ZDHHC15: variants seen among roughly 807,000 people sequenced by gnomAD.
ZDHHC15 encodes zDHHC palmitoyltransferase 15, also known as palmitoyltransferase ZDHHC15.
In ZDHHC15, 19 loss-of-function variants were observed where a neutral mutation model predicts 31.7. The observed-to-expected ratio is 0.60, with a 90% CI of 0.42 to 0.88. The LOEUF (loss-of-function observed/expected upper bound fraction) is 0.88, where lower values mean the gene tolerates loss of function less well. ZDHHC15 is among the 40% of genes least tolerant of loss of function. The pLI, the probability that ZDHHC15 is intolerant of heterozygous loss-of-function variation, is 0.00. For missense variants in ZDHHC15, 209 were observed against 251.2 expected (o/e 0.83, Z 1.14); for synonymous variants, 103 against 90.0 (o/e 1.14, Z -0.82).
At chrX:75,416,111 C>A (rs1204892068) in intron 10 of ZDHHC15, among the ~76,000 whole-genome samples, 3 of 111,915 alleles carry the variant, frequency 2.7e-5, no homozygotes, top group African/African-American at 9.7e-5. Flanking sequence ...TTGGGATGGA[C>A]AATAACTGTT....
intron 1 of ZDHHC15, among the ~76,000 whole-genome samples, chrX:75,522,208 C>G (rs1488391770): frequency 1.8e-5 from 2 of 111,233 alleles, no homozygotes; most frequent in African/African-American, 6.6e-5. Context: ...ATGGGGGGAG[C>G]CCACAGGGAA....
At chrX:75,395,314 T>C (rs1386740277) in intron 10 of ZDHHC15, among the ~76,000 whole-genome samples, 3 of 111,348 alleles carry the variant, frequency 2.7e-5, no homozygotes, top group Non-Finnish European at 5.7e-5. Flanking sequence ...ACATAAAGAT[T>C]CCACAAAAAA....
At chrX:75,387,955 T>C (rs985496048) in intron 10 of ZDHHC15, among the ~76,000 whole-genome samples, 1 of 111,576 alleles carries the variant, frequency 9.0e-6, no homozygotes, top group African/African-American at 3.3e-5. Flanking sequence ...GTGCATAACA[T>C]ATAAAGGAGC....
At chrX:75,496,514 G>T (rs1488040900) in intron 2 of ZDHHC15, among the ~76,000 whole-genome samples, 3 of 111,442 alleles carry the variant, frequency 2.7e-5, no homozygotes, top group Non-Finnish European at 3.8e-5. Context: ...GGAATTAACA[G>T]ATATTTACAG....
At chrX:75,379,079 A>C (rs2083088594) in intron 11 of ZDHHC15, 41 bp downstream of exon 11, 2 of 1,072,600 alleles carry the variant, frequency 1.9e-6, no homozygotes, top group African/African-American at 3.7e-5. Flanking sequence ...CCTTCTTAGC[A>C]GTCCAGGTGC....
rs772621038 is a variant in ZDHHC15 at position 75,430,277 on chromosome X, T to C, written c.450-297A>G. Among the ~76,000 whole-genome samples, 4 of 111,747 alleles carry C rather than the reference T, an allele frequency of 3.6e-5. No homozygotes were observed. The East Asian group carries it at 8.4e-4, about 24-fold the overall frequency. On this transcript the variant is annotated intron_variant, in intron 5 of 11. Coordinates refer to ENST00000373367, the MANE Select transcript of ZDHHC15 (RefSeq NM_144969.3). ...GAGAAAAGGTTCAAGATGTCTCCTA[T>C]CATTTTATTCAATACTTAGTTTAAT...
Position 75,505,838 on chromosome X carries a change from A to G in ZDHHC15, c.146T>C (p.Leu49Ser). Residue 49 changes from leucine (L) to serine (S), a missense_variant, in exon 2 of 12, where the codon TTG becomes TCG. Physicochemically the swap from Leu to Ser is moderately radical, Grantham distance 145. Transcript: ENST00000373367. ...YVFELCLVTVLSPAEKVIYLI... is the reference protein window; with the variant it reads ...YVFELCLVTVSSPAEKVIYLI... ...CATCTTACCTTTTTCTGCTGGGCTC[A>G]AAACAGTCACTGTGAAGAGACAGGA... is the stretch of plus-strand genomic sequence containing the variant. 1 of 1,207,961 alleles carries G rather than the reference A, an allele frequency of 8.3e-7. No individual in the cohort carries two copies. Among genetic ancestry groups the G allele is most frequent in the Non-Finnish European group, 1.1e-6 (1 of 892,593 alleles).
chrX:75,489,016 G>A lies in ZDHHC15; in HGVS notation c.164-10031C>T, dbSNP rs547464155. On this transcript the variant is annotated intron_variant, in intron 2 of 11. Coordinates refer to ENST00000373367, the MANE Select transcript of ZDHHC15 (RefSeq NM_144969.3). ...TCCTTCATTGCTAGCACAGCAGTCT[G>A]AGATCAAACTGCAAGGCGGCAGGGG... Among the ~76,000 whole-genome samples the A allele has an allele frequency of 1.2e-4, 13 of 111,919 alleles. No homozygotes were observed. The South Asian group carries it at 4.9e-3, about 42-fold the overall frequency.
At chrX:75,492,998 G>T (rs1220092257) in intron 2 of ZDHHC15, among the ~76,000 whole-genome samples, 7 of 111,410 alleles carry the variant, frequency 6.3e-5, no homozygotes, top group Admixed American at 9.6e-5. Flanking sequence ...CCAGGAACTG[G>T]TTTTTTCAAA....
At chrX:75,462,892 C>T (rs2084341847) in intron 3 of ZDHHC15, among the ~76,000 whole-genome samples, 1 of 110,950 alleles carries the variant, frequency 9.0e-6, no homozygotes, top group South Asian at 3.8e-4. Context: ...AACACCAAAG[C>T]TAGCAGAAGA....
chrX:75,393,517 T>C (rs1210124057), intron 10 of ZDHHC15, among the ~76,000 whole-genome samples: 1 of 111,456 alleles, frequency 9.0e-6, no homozygotes, highest in African/African-American at 3.3e-5. Context: ...TCATGAGCAA[T>C]GAATCAGGAG....
At chrX:75,517,347 T>A (rs1432780230) in intron 1 of ZDHHC15, among the ~76,000 whole-genome samples, 3 of 110,457 alleles carry the variant, frequency 2.7e-5, no homozygotes, top group Non-Finnish European at 5.7e-5. Flanking sequence ...CAAATGCCCA[T>A]CAATGATAGA....
At position 75,482,553 on chromosome X, in the gene ZDHHC15, C is replaced by A. The variant is rs184573944; in HGVS notation, c.164-3568G>T. 7.8e-3 allele frequency among the ~76,000 whole-genome samples: 874 copies of A among 111,561 alleles called. 10 individuals are homozygous for A. The highest frequency in any genetic ancestry group is 0.026 in the African/African-American group (806 of 30,749). On this transcript the variant is annotated intron_variant, in intron 2 of 11. Coordinates refer to ENST00000373367, the MANE Select transcript of ZDHHC15 (RefSeq NM_144969.3). The stretch of plus-strand genomic sequence containing the variant: ...TCTACTACTCATCAATTTACATAAA[C>A]CTTCTATGAAGCTGGTTAGATTATC...
chrX:75,404,972 C>T (rs780793591), intron 10 of ZDHHC15, among the ~76,000 whole-genome samples: 1 of 112,020 alleles, frequency 8.9e-6, no homozygotes, highest in Non-Finnish European at 1.9e-5. Context: ...GATGTGGAAT[C>T]AACCTAAATG....
chrX:75,380,084 A>T (rs1006963712), intron 10 of ZDHHC15, among the ~76,000 whole-genome samples: 1 of 112,145 alleles, frequency 8.9e-6, no homozygotes, highest in Non-Finnish European at 1.9e-5. Context: ...CTTGTCTGGA[A>T]TCCTAGCCTT....
intron 10 of ZDHHC15, among the ~76,000 whole-genome samples, chrX:75,410,554 C>CA (rs1264178088): frequency 3.6e-5 from 4 of 111,408 alleles, no homozygotes; most frequent in Non-Finnish European, 7.5e-5. Context: ...TGTGAGATAC[C>CA]ATGTAATCCT....
At chrX:75,518,798 TATATATATACACAC>T (rs1490798997) in intron 1 of ZDHHC15, among the ~76,000 whole-genome samples, 9 of 27,265 alleles carry the variant, frequency 3.3e-4, no homozygotes, top group African/African-American at 6.4e-4. Context: ...TATATATATA[TATATATATACACAC>T]ACACACACAC....
intron 10 of ZDHHC15, among the ~76,000 whole-genome samples, chrX:75,399,313 G>A (rs1269462650): frequency 4.5e-5 from 5 of 111,315 alleles, no homozygotes; most frequent in Non-Finnish European, 9.4e-5. Flanking sequence ...CCTCTGTAGT[G>A]GAACTACTCT....
chrX:75,487,924 A>C (rs988605654), intron 2 of ZDHHC15, among the ~76,000 whole-genome samples: 5 of 112,421 alleles, frequency 4.4e-5, no homozygotes, highest in Non-Finnish European at 9.4e-5. Context: ...AGAGAAGAAA[A>C]AACTTCAGAG....
Sources: allele counts gnomAD v4.1 joint callset (sites outside exome capture counted in the v4.1 genomes callset), GRCh38; gene constraint gnomAD v4.1.1; transcripts MANE v1.5; gene names NCBI Gene and HGNC (gene_info 2026-07-23, HGNC 2026-07-21).